PIEZO1: variants seen among roughly 807,000 people sequenced by gnomAD.
PIEZO1 encodes piezo-type mechanosensitive ion channel component 1.
Under a neutral mutation model 297.2 loss-of-function variants are expected in PIEZO1, and 296 were observed. The observed-to-expected ratio is 1.00, with a 90% CI of 0.91 to 1.10. PIEZO1 has a LOEUF of 1.10. Among genes scored for constraint, PIEZO1 ranks in the 50% least tolerant of loss-of-function variants. The pLI is 0.00. For missense variants in PIEZO1, 5,018 were observed against 3,455.5 expected (o/e 1.45, Z -11.34); for synonymous variants, 2,427 against 1,507.5 (o/e 1.61, Z -14.13).
In PIEZO1 at chr16:88,737,572, G is replaced by C; in HGVS notation, c.1182C>G (p.Val394=). ...TGCGGTACTCACCAGGCCGCCGCAG[G>C]ACGGAGCTCTGGCCGGTCAGCTCGT... ...IVHELTGQSS[V]LRRPVRPKRA... Residue 394 remains valine, a synonymous_variant, in exon 10 of 51, where the codon GTC becomes GTG. Transcript: ENST00000301015. 6.5e-7 allele frequency: 1 copy of C among 1,533,586 alleles called. No individual in the cohort carries two copies. Among genetic ancestry groups the C allele is most frequent in the Non-Finnish European group, 8.7e-7 (1 of 1,145,976 alleles). The allele number at this position is 1,533,586 out of a possible 1,614,324, so 95.0% of individuals were successfully genotyped here.
chr16:88,757,326 G>A (rs1003495105), intron 1 of PIEZO1, among the ~76,000 whole-genome samples: 3 of 58,934 alleles, frequency 5.1e-5, no homozygotes, highest in African/African-American at 2.0e-4. Flanking sequence ...TGGCGGGGGG[G>A]TGGGGGGTAG....
intron 10 of PIEZO1, 145 bp from the exon 11 acceptor site, chr16:88,736,884 G>C (rs186114559): frequency 1.9e-6 from 1 of 536,768 alleles, no homozygotes; most frequent in Admixed American, 3.6e-5. Flanking sequence ...CGAGGGCTCC[G>C]GCAATTGGGC....
At chr16:88,748,927 G>A (rs1039529178) in intron 2 of PIEZO1, among the ~76,000 whole-genome samples, 11 of 96,186 alleles carry the variant, frequency 1.1e-4, no homozygotes, top group African/African-American at 4.4e-4. Context: ...AGCGAGACTC[G>A]GTCTCAAAAA....
chr16:88,749,454 G>A lies in PIEZO1; in HGVS notation c.90C>T (p.Leu30=), dbSNP rs759480770. Residue 30 remains leucine, a synonymous_variant, in exon 2 of 51, where the codon CTC becomes CTT. Coordinates refer to ENST00000301015, the MANE Select transcript of PIEZO1 (RefSeq NM_001142864.4). The stretch of plus-strand genomic sequence containing the variant: ...GCAGGAAGAGCAGGTAGACCAGCGA[G>A]AGTCCGCTGAAGCGGAGCAGGCAGG... ...LAACLLRFSG[L]SLVYLLFLLL... The A allele has an allele frequency of 3.3e-6, 5 of 1,525,638 alleles. No homozygotes were observed. The Admixed American group carries it at 1.0e-4, about 31-fold the overall frequency. The allele number at this position is 1,525,638 out of a possible 1,614,324, so 94.5% of individuals were successfully genotyped here. A position where few individuals can be genotyped will look rare whatever the true frequency, so the allele number is the denominator to read the frequency against.
rs763058068 is a variant in PIEZO1 at position 88,734,368 on chromosome 16, C to G, written c.2168G>C (p.Arg723Pro). 2.6e-6 allele frequency: 4 copies of G among 1,536,548 alleles called. No individual in the cohort carries two copies. Among genetic ancestry groups the G allele is most frequent in the Non-Finnish European group, 2.6e-6 (3 of 1,139,852 alleles). The change falls in exon 16 of 51, where the codon CGC (arginine) becomes CCC (proline). Residue 723 changes from arginine (R) to proline (P), a missense_variant. Coordinates refer to ENST00000301015, the MANE Select transcript of PIEZO1 (RefSeq NM_001142864.4). ...HVSLPGTRLP[R>P]WAHRQDAVSG... ...GGCGGGGCCGCACCTGTGAGCCCAG[C>G]GCGGGAGGCGCGTGCCAGGCAGGGA...
chr16:88,734,090 G>C (rs1156721942), intron 16 of PIEZO1, 36 bp from the exon 17 acceptor site: 1 of 1,476,378 alleles, frequency 6.8e-7, no homozygotes, highest in East Asian at 2.5e-5. Flanking sequence ...CTCCCAACTG[G>C]GTTCCTGCCC....
intron 43 of PIEZO1, 38 bp from the exon 44 acceptor site, chr16:88,719,759 C>T (rs1416318954): frequency 6.5e-7 from 1 of 1,550,262 alleles, no homozygotes; most frequent in South Asian, 1.2e-5. Flanking sequence ...TGGGCTCCCT[C>T]ATGCCCGGGC....
chr16:88,737,432 C>T (rs1905295275), intron 10 of PIEZO1, 127 bp downstream of exon 10: 2 of 646,886 alleles, frequency 3.1e-6, no homozygotes, highest in Admixed American at 3.0e-5. Context: ...TGTCCTGGGC[C>T]CCCGAGGGGG....
chr16:88,743,653 C>T (rs1424153953), intron 2 of PIEZO1: 4 of 456,470 alleles, frequency 8.8e-6, no homozygotes, highest in East Asian at 1.4e-4. Context: ...ACTCAGCCCC[C>T]TCTTTCTGGA....
At chr16:88,717,690 A>G (rs1912149375) in intron 44 of PIEZO1, 6 of 436,362 alleles carry the variant, frequency 1.4e-5, no homozygotes, top group South Asian at 9.9e-5. Flanking sequence ...AGACACCAAG[A>G]AAATTTAAGA....
In PIEZO1 at chr16:88,731,823, T is replaced by A. The variant is rs1388322647; in HGVS notation, c.3079A>T (p.Thr1027Ser). 8.0e-7 allele frequency: 1 copy of A among 1,248,478 alleles called. No homozygotes were observed. The highest frequency in any genetic ancestry group is 1.0e-6 in the Non-Finnish European group (1 of 966,524). 77.3% of individuals were successfully genotyped at this position (1,248,478 alleles called of 1,614,324 possible). ...GCAATGGCCTGGCGGTGCCTGCGGG[T>A]GAGGATGGCCACCAGCCAGCAACCG... is the stretch of plus-strand genomic sequence containing the variant. ...LHGCWLVAIL[T>S]RRHRQAIARL... Residue 1027 changes from threonine (T) to serine (S), a missense_variant, in exon 22 of 51, where the codon ACC becomes TCC. Coordinates refer to ENST00000301015, the MANE Select transcript of PIEZO1 (RefSeq NM_001142864.4).
At chr16:88,721,496 G>C (rs1181097623) in intron 38 of PIEZO1, 42 bp downstream of exon 38, 2 of 1,539,526 alleles carry the variant, frequency 1.3e-6, no homozygotes, top group East Asian at 2.5e-5. Flanking sequence ...GTGCCCAGAG[G>C]GCCTGCCCAG....
intron 21 of PIEZO1, among the ~76,000 whole-genome samples, 187 bp downstream of exon 21, chr16:88,732,148 C>T (rs1361057190): frequency 1.3e-5 from 2 of 151,918 alleles, no homozygotes; most frequent in Non-Finnish European, 2.9e-5. Context: ...AACTTGGCCC[C>T]CTGCCTGTTG....
chr16:88,763,635 C>T (rs1280500888), intron 1 of PIEZO1, among the ~76,000 whole-genome samples: 1 of 152,214 alleles, frequency 6.6e-6, no homozygotes, highest in Non-Finnish European at 1.5e-5. Flanking sequence ...GTCAGGGCAG[C>T]ACTGGGTAAC....
intron 10 of PIEZO1, 39 bp downstream of exon 10, chr16:88,737,520 C>A: frequency 7.0e-7 from 1 of 1,423,492 alleles, no homozygotes; most frequent in South Asian, 1.2e-5. Flanking sequence ...CCGCCCCGCC[C>A]CCCGCACCCA....
chr16:88,759,522 C>T (rs891899343), intron 1 of PIEZO1, among the ~76,000 whole-genome samples: 3 of 152,168 alleles, frequency 2.0e-5, no homozygotes, highest in Admixed American at 6.6e-5. Context: ...CTAGTGCTTT[C>T]GACGGTGGGC....
At chr16:88,738,162 G>C (rs1905377790) in intron 7 of PIEZO1, 57 bp from the exon 8 acceptor site, 5 of 1,534,004 alleles carry the variant, frequency 3.3e-6, no homozygotes, top group Non-Finnish European at 3.5e-6. Flanking sequence ...GGCCACAGGG[G>C]CTAGACGAGC....
At chr16:88,745,687 T>A (rs1173334766) in intron 2 of PIEZO1, 1 of 143,412 alleles carries the variant, frequency 7.0e-6, no homozygotes, top group East Asian at 2.1e-4. Context: ...AGGCGGAGGT[T>A]GCAGTGAGTT....
intron 1 of PIEZO1, among the ~76,000 whole-genome samples, chr16:88,754,067 G>C (rs540111241): frequency 5.9e-5 from 9 of 152,350 alleles, no homozygotes; most frequent in Middle Eastern, 3.4e-3. Context: ...GATGGGGTCA[G>C]AGAGAGCTGT....
Sources: gnomAD v4.1 joint callset for allele counts (sites outside exome capture counted in the v4.1 genomes callset) on GRCh38, gnomAD v4.1.1 for gene constraint, MANE v1.5 for transcripts, NCBI Gene and HGNC (gene_info 2026-07-23, HGNC 2026-07-21) for gene names.